The following VWF variants were observed in gnomAD, a reference collection of about 807,000 sequenced individuals.
VWF encodes the protein von Willebrand factor, also known as Factor VIII related antigen.
A neutral mutation model predicts 308.6 loss-of-function variants in VWF; 176 were observed. The ratio of observed to expected loss-of-function variants is 0.57; its 90% confidence interval spans 0.50 to 0.65. The LOEUF (loss-of-function observed/expected upper bound fraction) is 0.65. VWF is among the 30% of genes least tolerant of loss of function. VWF has a pLI of 0.00. For missense variants in VWF, 3,146 were observed against 3,648.2 expected (o/e 0.86, Z 3.55); for synonymous variants, 1,385 against 1,443.4 (o/e 0.96, Z 0.92).
intron 5 of VWF, among the ~76,000 whole-genome samples, chr12:6,096,575 C>T (rs1028826578): frequency 2.6e-5 from 4 of 152,158 alleles, no homozygotes; most frequent in Admixed American, 2.0e-4. Context: ...CAGTGGATTA[C>T]GAATGCTCAA....
chr12:6,088,284 C>T (rs1944994740), intron 6 of VWF, among the ~76,000 whole-genome samples: 1 of 151,982 alleles, frequency 6.6e-6, no homozygotes, highest in South Asian at 2.1e-4. Flanking sequence ...CGAGACCATC[C>T]TGGCTAACAC....
intron 42 of VWF, among the ~76,000 whole-genome samples, chr12:5,977,471 G>C (rs1037266206): frequency 6.6e-6 from 1 of 152,132 alleles, no homozygotes; most frequent in Non-Finnish European, 1.5e-5. Flanking sequence ...AAATGAGAAA[G>C]AACAATTTAA....
chr12:6,071,247 G>A (rs764466326), intron 10 of VWF, 50 bp downstream of exon 10: 49 of 1,593,458 alleles, frequency 3.1e-5, no homozygotes, highest in Middle Eastern at 1.7e-4. Context: ...AGGAGGAGAC[G>A]CCTCCCCGAT....
intron 22 of VWF, among the ~76,000 whole-genome samples, chr12:6,027,658 C>T (rs1944209813): frequency 6.6e-6 from 1 of 152,078 alleles, no homozygotes; most frequent in African/African-American, 2.4e-5. Context: ...AGAATGCAGG[C>T]AGCCTCCGGA....
At chr12:5,998,772 G>T (rs1181875849) in intron 34 of VWF, among the ~76,000 whole-genome samples, 1 of 151,604 alleles carries the variant, frequency 6.6e-6, no homozygotes, top group East Asian at 1.9e-4. Context: ...TTGTCACCAA[G>T]GCCAGAGCGC....
rs757070653 is a variant in VWF, at chr12:6,062,960, C to T, written c.1527G>A (p.Leu509=). The change falls in exon 13 of 52, where the codon CTG becomes CTA. Residue 509 remains leucine, a synonymous_variant. Coordinates refer to ENST00000261405, the MANE Select transcript of VWF (RefSeq NM_000552.5). ...ACCCCGTGAGGGCACCTACCTTCAC[C>T]AGCAGCCTCCCGCGGCCATCCCAGT... ...QMDWDGRGRL[L]VKLSPVYAGK... is the part of the protein sequence containing the mutation. The T allele has an allele frequency of 6.2e-7, 1 of 1,612,484 alleles. No individual in the cohort carries two copies. Among genetic ancestry groups the T allele is most frequent in the South Asian group, 1.1e-5 (1 of 91,010 alleles).
intron 20 of VWF, among the ~76,000 whole-genome samples, chr12:6,033,468 T>C (rs1944294991): frequency 6.6e-6 from 1 of 152,238 alleles, no homozygotes; most frequent in African/African-American, 2.4e-5. Context: ...CTTGCTGCAC[T>C]GAATTAATTT....
chr12:6,101,274 G>C (rs966603753), intron 5 of VWF, among the ~76,000 whole-genome samples: 4 of 152,038 alleles, frequency 2.6e-5, no homozygotes, highest in African/African-American at 9.7e-5. Context: ...GGTTTCCATC[G>C]TGTAAATACT....
chr12:6,003,527 C>G (rs2136395273), intron 34 of VWF, among the ~76,000 whole-genome samples: 1 of 148,164 alleles, frequency 6.7e-6, no homozygotes, highest in South Asian at 2.1e-4. Context: ...AAAAAAAAAT[C>G]AACCAAACAC....
Position 6,063,097 on chromosome 12 carries a change from G to T in VWF, c.1433-43C>A, listed in dbSNP as rs1944673471. On this transcript the variant is annotated intron_variant, in intron 12 of 51. Transcript: ENST00000261405. The surrounding 1 kb of genome is among the most constrained non-coding windows in gnomAD (Gnocchi z 4.9). ...AGGACTCAGGCAGAGGTGGGGAGAG[G>T]ACAGGGTGGTGGCAGGCAGATGTAT... The T allele has an allele frequency of 6.5e-7, 1 of 1,546,664 alleles. No homozygotes were observed. The highest frequency in any genetic ancestry group is 8.9e-7 in the Non-Finnish European group (1 of 1,123,400).
intron 14 of VWF, among the ~76,000 whole-genome samples, chr12:6,057,365 AGTGCAGAAAT>A (rs1473452078): frequency 1.5e-5 from 2 of 132,476 alleles, no homozygotes; most frequent in African/African-American, 6.1e-5. Context: ...CCCGGGCTGG[AGTGCAGAAAT>A]GCGATCTTGG....
intron 6 of VWF, among the ~76,000 whole-genome samples, chr12:6,077,173 G>C (rs1044968021): frequency 6.6e-6 from 1 of 152,234 alleles, no homozygotes; most frequent in African/African-American, 2.4e-5. Context: ...AGTGGGGCGT[G>C]GTGGCGCATG....
chr12:6,099,507 C>G (rs943949064), intron 5 of VWF, among the ~76,000 whole-genome samples: 1 of 152,018 alleles, frequency 6.6e-6, no homozygotes, highest in African/African-American at 2.4e-5. Flanking sequence ...AACACAAAAC[C>G]CTTCAAAGAT....
chr12:6,015,807 A>G (rs1944049546), intron 31 of VWF, among the ~76,000 whole-genome samples: 1 of 152,236 alleles, frequency 6.6e-6, no homozygotes, highest in Admixed American at 6.5e-5. Flanking sequence ...AAGAAAGGGC[A>G]TAGAGGTATG....
chr12:6,069,949 T>C (rs1944762650), intron 10 of VWF, among the ~76,000 whole-genome samples: 1 of 152,224 alleles, frequency 6.6e-6, no homozygotes. Context: ...CTATAGTAAG[T>C]ACTTGTTAAA....
intron 5 of VWF, among the ~76,000 whole-genome samples, 183 bp downstream of exon 5, chr12:6,110,191 C>T (rs545584908): frequency 1.3e-4 from 20 of 152,218 alleles, no homozygotes; most frequent in African/African-American, 4.8e-4. Flanking sequence ...AGCTCTAAGA[C>T]CTGGTTTCAC....
At chr12:5,985,507 G>A (rs1349730499) in intron 39 of VWF, 56 bp downstream of exon 39, 10 of 1,555,816 alleles carry the variant, frequency 6.4e-6, no homozygotes, top group Admixed American at 5.2e-5. Context: ...TGGCTGGGGG[G>A]CCTTGCAGGG....
In VWF at chr12:6,092,624, T is replaced by TGAGAGAGAGAGAGAGAGAGAGA. The variant is rs1180180618; in HGVS notation, c.657+2835_657+2836insTCTCTCTCTCTCTCTCTCTCTC. The stretch of plus-strand genomic sequence containing the variant: ...TAGTTAGTGAGTGAGTGAGAGTGTG[T>TGAGAGAGAGAGAGAGAGAGAGA]GTGTGTGTGTGTGTGTGTGTGTGTG... On this transcript the variant is annotated intron_variant, in intron 6 of 51. Coordinates refer to ENST00000261405, the MANE Select transcript of VWF (RefSeq NM_000552.5). Among the ~76,000 whole-genome samples the TGAGAGAGAGAGAGAGAGAGAGA allele has an allele frequency of 1.3e-3, 109 of 87,044 alleles. 6 individuals carry two copies. The highest frequency in any genetic ancestry group is 6.7e-3 in the African/African-American group (104 of 15,602). 57.1% of individuals were successfully genotyped at this position (87,044 alleles called of 152,430 possible). A position where few individuals can be genotyped will look rare whatever the true frequency, so the allele number is the denominator to read the frequency against.
At chr12:6,043,350 G>C (rs1045092499) in intron 18 of VWF, among the ~76,000 whole-genome samples, 1 of 152,140 alleles carries the variant, frequency 6.6e-6, no homozygotes, top group African/African-American at 2.4e-5. Context: ...CCACAGTCCA[G>C]GACACTTCCC....
Sources: gnomAD v4.1 joint callset for allele counts (sites outside exome capture counted in the v4.1 genomes callset) on GRCh38, gnomAD v4.1.1 for gene constraint, Gnocchi (gnomAD v3.1) non-coding constraint, MANE v1.5 for transcripts, NCBI Gene and HGNC (gene_info 2026-07-23, HGNC 2026-07-21) for gene names.